CLIC4: variants seen among roughly 807,000 people sequenced by gnomAD.
CLIC4 encodes chloride intracellular channel protein 4.
Under a neutral mutation model 24.6 loss-of-function variants are expected in CLIC4, and 13 were observed. That is an observed-to-expected ratio of 0.53 (90% CI 0.34 to 0.84). The LOEUF (loss-of-function observed/expected upper bound fraction) is 0.84. Ranked by LOEUF, CLIC4 falls within the 40% of genes least tolerant of loss-of-function variation. CLIC4 has a pLI of 0.01. For synonymous variants in CLIC4, 104 were observed against 111.3 expected, an observed-to-expected ratio of 0.93 and a Z score of 0.41; for missense variants, 227 against 301.7, an observed-to-expected ratio of 0.75 and a Z score of 1.83.
chr1:24,820,047 C>A (rs12123926), intron 3 of CLIC4, among the ~76,000 whole-genome samples: 44,497 of 85,650 alleles, frequency 0.52, 15,160 homozygotes, highest in Non-Finnish European at 0.62. Context: ...AGCCATACTT[C>A]AAAAAAAAAA....
At chr1:24,836,041 A>C (rs956072384) in intron 4 of CLIC4, among the ~76,000 whole-genome samples, 1 of 152,248 alleles carries the variant, frequency 6.6e-6, no homozygotes, top group Admixed American at 6.5e-5. Context: ...AAAATGAAAT[A>C]GTATAAATAC....
chr1:24,745,451 C>T lies in CLIC4; in HGVS notation c.-103C>T. ...GTGGCCAGCTCGACGCCGGACAGTC[C>T]AGCGAGCAGCACGGCGGGAACCGGC... On this transcript the variant is annotated 5_prime_UTR_variant, in exon 1 of 6. Coordinates refer to ENST00000374379, the MANE Select transcript of CLIC4 (RefSeq NM_013943.3). 2 of 1,073,406 alleles carry T rather than the reference C, an allele frequency of 1.9e-6. No individual in the cohort carries two copies. The highest frequency in any genetic ancestry group is 2.7e-6 in the Non-Finnish European group (2 of 738,114). The allele number at this position is 1,073,406 out of a possible 1,614,324, so 66.5% of individuals were successfully genotyped here.
chr1:24,751,093 TG>T (rs1313201809), intron 1 of CLIC4, among the ~76,000 whole-genome samples: 2 of 152,146 alleles, frequency 1.3e-5, no homozygotes, highest in African/African-American at 4.8e-5. Context: ...GAGATCCCGA[TG>T]GTTGGAGCAT....
intron 1 of CLIC4, among the ~76,000 whole-genome samples, chr1:24,769,992 G>T (rs1016556022): frequency 2.0e-5 from 3 of 151,892 alleles, no homozygotes; most frequent in African/African-American, 7.3e-5. Flanking sequence ...GAGTAGCTGG[G>T]ACTTGCAGTG....
intron 1 of CLIC4, among the ~76,000 whole-genome samples, chr1:24,772,602 C>G (rs973091626): frequency 5.9e-5 from 9 of 152,140 alleles, no homozygotes; most frequent in Non-Finnish European, 1.0e-4. Context: ...TCTCCTGCCT[C>G]AGCCTCCTGA....
chr1:24,762,756 G>A (rs575574873), intron 1 of CLIC4, among the ~76,000 whole-genome samples: 1 of 152,206 alleles, frequency 6.6e-6, no homozygotes, highest in East Asian at 1.9e-4. Context: ...ATAATACAGC[G>A]GGTAGAAGAA....
At chr1:24,762,848 A>G (rs1638945202) in intron 1 of CLIC4, among the ~76,000 whole-genome samples, 1 of 152,206 alleles carries the variant, frequency 6.6e-6, no homozygotes, top group Non-Finnish European at 1.5e-5. Context: ...ACACAGGTTG[A>G]TAGCTGCAAA....
At chr1:24,765,069 A>G (rs1015975116) in intron 1 of CLIC4, among the ~76,000 whole-genome samples, 5 of 152,354 alleles carry the variant, frequency 3.3e-5, no homozygotes, top group African/African-American at 4.8e-5. Flanking sequence ...ATTGTAACTC[A>G]CTGCCTGGGA....
chr1:24,754,008 A>T (rs1363011931), intron 1 of CLIC4, among the ~76,000 whole-genome samples: 1 of 152,248 alleles, frequency 6.6e-6, no homozygotes, highest in African/African-American at 2.4e-5. Flanking sequence ...AATCTAATTG[A>T]TTTGCCATTC....
intron 1 of CLIC4, among the ~76,000 whole-genome samples, chr1:24,754,353 G>T (rs1638815461): frequency 6.6e-6 from 1 of 152,174 alleles, no homozygotes. Context: ...CTGCAGAGGT[G>T]CCTAGAAGCC....
At chr1:24,758,200 A>G (rs1284945559) in intron 1 of CLIC4, among the ~76,000 whole-genome samples, 4 of 152,114 alleles carry the variant, frequency 2.6e-5, no homozygotes, top group Non-Finnish European at 4.4e-5. Flanking sequence ...TATAAAAGCT[A>G]TATGTATTTA....
At chr1:24,803,092 T>C (rs1195645194) in intron 2 of CLIC4, among the ~76,000 whole-genome samples, 2 of 152,214 alleles carry the variant, frequency 1.3e-5, no homozygotes, top group Non-Finnish European at 2.9e-5. Flanking sequence ...AAGTGAGCAT[T>C]GGTTCAAAAA....
intron 3 of CLIC4, among the ~76,000 whole-genome samples, chr1:24,823,635 G>A (rs1192407414): frequency 3.9e-5 from 6 of 152,022 alleles, no homozygotes; most frequent in South Asian, 2.1e-4. Context: ...TTAGCTGGGC[G>A]TGGTGACGGG....
chr1:24,753,823 T>C (rs1638809164), intron 1 of CLIC4, among the ~76,000 whole-genome samples: 1 of 152,208 alleles, frequency 6.6e-6, no homozygotes, highest in South Asian at 2.1e-4. Context: ...ATGGACTGTT[T>C]TGACAGTTTA....
chr1:24,791,089 C>A (rs1010182144), intron 1 of CLIC4, among the ~76,000 whole-genome samples: 2 of 152,090 alleles, frequency 1.3e-5, no homozygotes, highest in African/African-American at 4.8e-5. Context: ...GGTAAGGGAA[C>A]GCTGACTTTC....
intron 4 of CLIC4, among the ~76,000 whole-genome samples, chr1:24,831,383 A>T (rs939199747): frequency 2.0e-5 from 3 of 152,170 alleles, no homozygotes; most frequent in Non-Finnish European, 4.4e-5. Flanking sequence ...CTATGTTATA[A>T]ACCTTGTAAA....
At chr1:24,754,067 G>T (rs1638812078) in intron 1 of CLIC4, among the ~76,000 whole-genome samples, 1 of 152,206 alleles carries the variant, frequency 6.6e-6, no homozygotes, top group Non-Finnish European at 1.5e-5. Flanking sequence ...TGAATGTAAA[G>T]TATGAAGTTA....
At position 24,745,569 on chromosome 1, in the gene CLIC4, C is replaced by T. The variant is rs1396856016; in HGVS notation, c.16C>T (p.Pro6Ser). 4 of 1,591,940 alleles carry T rather than the reference C, an allele frequency of 2.5e-6. No homozygotes were observed. The highest frequency in any genetic ancestry group is 2.3e-5 in the East Asian group (1 of 43,298). MALSM[P>S]LNGLKEEDKE... ...CGAGCCGGCCATGGCGTTGTCGATG[C>T]CGCTGAATGGGCTGAAGGAGGAGGA... Residue 6 changes from proline (P) to serine (S), a missense_variant, in exon 1 of 6, where the codon CCG becomes TCG. By Grantham distance (74) the Pro-to-Ser change is moderately conservative. Transcript: ENST00000374379.
At chr1:24,789,190 C>G (rs370646744) in intron 1 of CLIC4, among the ~76,000 whole-genome samples, 4 of 152,058 alleles carry the variant, frequency 2.6e-5, no homozygotes, top group East Asian at 1.9e-4. Flanking sequence ...TCCAGTGAAG[C>G]CTTCAGGAAT....
Sources: gnomAD v4.1 joint callset for allele counts (sites outside exome capture counted in the v4.1 genomes callset) on GRCh38, gnomAD v4.1.1 for gene constraint, MANE v1.5 for transcripts, NCBI Gene and HGNC (gene_info 2026-07-23, HGNC 2026-07-21) for gene names.